RBMS3: variants seen among roughly 807,000 people sequenced by gnomAD.
The protein encoded by RBMS3 is RNA binding motif single stranded interacting protein 3.
Under a neutral mutation model 66.8 loss-of-function variants are expected in RBMS3, and 27 were observed. That is an observed-to-expected ratio of 0.40 (90% CI 0.30 to 0.56). The LOEUF (loss-of-function observed/expected upper bound fraction) is 0.56, where lower values mean the gene tolerates loss of function less well. RBMS3 is among the 20% of genes least tolerant of loss of function. The pLI is 0.40. For missense variants in RBMS3, 513 were observed against 549.5 expected, an observed-to-expected ratio of 0.93 and a Z score of 0.66; for synonymous variants, 188 against 183.0, an observed-to-expected ratio of 1.03 and a Z score of -0.22.
chr3:29,350,037 G>A (rs140624169), intron 1 of RBMS3, among the ~76,000 whole-genome samples: 2 of 151,874 alleles, frequency 1.3e-5, no homozygotes, highest in African/African-American at 4.8e-5. Flanking sequence ...GCACATGCCT[G>A]TAATCCCAGC....
intron 4 of RBMS3, among the ~76,000 whole-genome samples, chr3:29,591,992 T>A (rs758075842): frequency 3.3e-5 from 5 of 151,796 alleles, no homozygotes; most frequent in Non-Finnish European, 7.4e-5. Context: ...AAAGGCATAA[T>A]GTAAAAATAT....
chr3:29,743,512 C>T (rs78088320), intron 5 of RBMS3, among the ~76,000 whole-genome samples: 1,710 of 152,266 alleles, frequency 0.011, 34 homozygotes, highest in African/African-American at 0.04. Flanking sequence ...CCCCAATCTA[C>T]CGAATTAACA....
chr3:29,891,419 A>C (rs1233412001), intron 8 of RBMS3, among the ~76,000 whole-genome samples: 1 of 151,638 alleles, frequency 6.6e-6, no homozygotes, highest in Non-Finnish European at 1.5e-5. Flanking sequence ...AGAAAAGTAA[A>C]AATCGTAGTA....
intron 3 of RBMS3, among the ~76,000 whole-genome samples, chr3:29,539,473 C>T (rs1016337564): frequency 2.6e-5 from 4 of 152,096 alleles, no homozygotes; most frequent in Non-Finnish European, 2.9e-5. Context: ...TTCCATTTAC[C>T]AGCCCTTGAA....
chr3:29,828,979 TTTCTTTC>T (rs1207235372), intron 6 of RBMS3, among the ~76,000 whole-genome samples: 1 of 10,680 alleles, frequency 9.4e-5, no homozygotes, highest in Non-Finnish European at 2.3e-4. Context: ...AGCGAGTGAC[TTTCTTTC>T]TTTCTTTCTT....
intron 14 of RBMS3, among the ~76,000 whole-genome samples, chr3:29,994,013 G>A (rs1470383900): frequency 1.3e-5 from 2 of 151,774 alleles, no homozygotes; most frequent in Non-Finnish European, 2.9e-5. Flanking sequence ...ATTTCCATCT[G>A]ATGTACCGGG....
At chr3:29,337,839 G>A (rs11924978) in intron 1 of RBMS3, among the ~76,000 whole-genome samples, 22,989 of 152,112 alleles carry the variant, frequency 0.15, 1,796 homozygotes, top group Admixed American at 0.22. Context: ...AACAGTTAGG[G>A]GACATGTTTG....
intron 1 of RBMS3, among the ~76,000 whole-genome samples, chr3:29,322,838 T>C (rs902311954): frequency 6.6e-6 from 1 of 152,132 alleles, no homozygotes; most frequent in Admixed American, 6.6e-5. Context: ...GGGTAGCACC[T>C]CTTAGCCGTT....
intron 12 of RBMS3, among the ~76,000 whole-genome samples, chr3:29,964,766 G>C (rs1696719237): frequency 6.6e-6 from 1 of 151,786 alleles, no homozygotes; most frequent in South Asian, 2.1e-4. Context: ...GTGGTATTTG[G>C]TTACATGAGT....
intron 1 of RBMS3, among the ~76,000 whole-genome samples, chr3:29,342,800 A>G (rs2036353193): frequency 6.6e-6 from 1 of 152,132 alleles, no homozygotes; most frequent in South Asian, 2.1e-4. Flanking sequence ...TTTGTTTGAG[A>G]AAGAGTTGAG....
chr3:29,968,105 G>T (rs1403845841), intron 12 of RBMS3, among the ~76,000 whole-genome samples: 1 of 152,012 alleles, frequency 6.6e-6, no homozygotes, highest in Non-Finnish European at 1.5e-5. Flanking sequence ...AGGCATTTAG[G>T]GCTTGATCTT....
chr3:29,648,040 T>C (rs1414365364), intron 4 of RBMS3, among the ~76,000 whole-genome samples: 1 of 152,060 alleles, frequency 6.6e-6, no homozygotes, highest in African/African-American at 2.4e-5. Flanking sequence ...ACCAGTGGGA[T>C]GGGCAGACCA....
intron 1 of RBMS3, among the ~76,000 whole-genome samples, chr3:29,285,245 G>A (rs1482749061): frequency 7.6e-6 from 1 of 131,914 alleles, no homozygotes; most frequent in African/African-American, 2.7e-5. Context: ...GGGTGGGGGT[G>A]GGGGTGGTGG....
At chr3:29,439,593 T>TTTTATTTA (rs3041548) in intron 2 of RBMS3, among the ~76,000 whole-genome samples, 87,289 of 149,028 alleles carry the variant, frequency 0.59, 26,214 homozygotes, top group East Asian at 0.86. Flanking sequence ...GTTAATCTCT[T>TTTTATTTA]TTTATTTATT....
intron 4 of RBMS3, among the ~76,000 whole-genome samples, chr3:29,660,222 T>C (rs1218222832): frequency 1.3e-5 from 2 of 152,166 alleles, no homozygotes; most frequent in Non-Finnish European, 2.9e-5. Flanking sequence ...ATATATTTGA[T>C]GGTCTGTTAT....
At chr3:29,944,519 TAG>T (rs527351770) in intron 12 of RBMS3, among the ~76,000 whole-genome samples, 49 of 151,750 alleles carry the variant, frequency 3.2e-4, no homozygotes, top group Non-Finnish European at 6.9e-4. Context: ...ACACAGAAGA[TAG>T]AGTCTGTGTT....
chr3:29,586,515 T>G (rs2047525514), intron 3 of RBMS3, among the ~76,000 whole-genome samples: 1 of 152,132 alleles, frequency 6.6e-6, no homozygotes, highest in South Asian at 2.1e-4. Flanking sequence ...CAAAATAATT[T>G]AAGATGCTAT....
intron 4 of RBMS3, among the ~76,000 whole-genome samples, chr3:29,690,699 G>A (rs1576534111): frequency 1.3e-5 from 2 of 152,140 alleles, no homozygotes; most frequent in South Asian, 2.1e-4. Context: ...TCTCTTTCAA[G>A]TTCTGTGCTT....
At chr3:29,614,012 G>A (rs1219159888) in intron 4 of RBMS3, among the ~76,000 whole-genome samples, 1 of 152,128 alleles carries the variant, frequency 6.6e-6, no homozygotes, top group Admixed American at 6.6e-5. Context: ...GTATGTGAAA[G>A]AGATAACTGC....
Sources: allele counts gnomAD v4.1 joint callset (sites outside exome capture counted in the v4.1 genomes callset), GRCh38; gene constraint gnomAD v4.1.1; transcripts MANE v1.5; gene names NCBI Gene and HGNC (gene_info 2026-07-23, HGNC 2026-07-21).